Variants in TGFBR3 observed in about 807,000 individuals in gnomAD.
The protein encoded by TGFBR3 is transforming growth factor beta receptor type 3.
TGFBR3 carries 46 observed loss-of-function variants against 87.9 expected under a neutral mutation model. The observed-to-expected ratio is 0.52, with a 90% confidence interval of 0.41 to 0.67. TGFBR3 has a LOEUF of 0.67. Among genes scored for constraint, TGFBR3 ranks in the 30% least tolerant of loss-of-function variants. The pLI is 0.00. For synonymous variants in TGFBR3, 381 were observed against 391.6 expected, an observed-to-expected ratio of 0.97 and a Z score of 0.32; for missense variants, 866 against 1,041.9, an observed-to-expected ratio of 0.83 and a Z score of 2.32.
In TGFBR3 at chr1:91,902,858, G is replaced by C. The variant is rs555805282; in HGVS notation, c.-175+2968C>G. Among the ~76,000 whole-genome samples, 57 of 152,082 alleles carry C rather than the reference G, an allele frequency of 3.7e-4. 1 individual carries two copies. The South Asian group carries it at 6.5e-3, about 17-fold the overall frequency. On this transcript the variant is annotated intron_variant, in intron 1 of 17. Transcript: ENST00000370399. ...TAGTTTAGGAAAGGAGACAGCTGTG[G>C]ACAGGGGCAGTGCCAGGCTCTCCAA... is the stretch of plus-strand genomic sequence containing the variant.
chr1:91,828,267 A>G (rs1236332259), intron 2 of TGFBR3, among the ~76,000 whole-genome samples: 1 of 152,132 alleles, frequency 6.6e-6, no homozygotes, highest in East Asian at 1.9e-4. Context: ...AAATGTAACC[A>G]TGCACACCTC....
At chr1:91,764,953 C>A (rs1488961032) in intron 3 of TGFBR3, among the ~76,000 whole-genome samples, 1 of 152,198 alleles carries the variant, frequency 6.6e-6, no homozygotes, top group Non-Finnish European at 1.5e-5. Flanking sequence ...TTAGATCAAG[C>A]TTGTCCAACC....
At chr1:91,737,576 A>C (rs574633633) in intron 4 of TGFBR3, among the ~76,000 whole-genome samples, 15 of 152,248 alleles carry the variant, frequency 9.9e-5, no homozygotes, top group South Asian at 8.3e-4. Context: ...CTCCCAAGAC[A>C]GCAGATTTCT....
At chr1:91,769,444 A>T (rs75277555) in intron 3 of TGFBR3, among the ~76,000 whole-genome samples, 10,113 of 151,882 alleles carry the variant, frequency 0.067, 375 homozygotes, top group Middle Eastern at 0.1. Flanking sequence ...GGGCCCTGTT[A>T]ACCTTCCCCT....
intron 14 of TGFBR3, among the ~76,000 whole-genome samples, chr1:91,702,374 C>T (rs530518420): frequency 2.0e-5 from 3 of 152,220 alleles, no homozygotes; most frequent in South Asian, 2.1e-4. Context: ...TCGCCGGGCG[C>T]GGTGGCTCAC....
intron 2 of TGFBR3, among the ~76,000 whole-genome samples, chr1:91,859,396 CCT>C (rs1348931427): frequency 1.4e-5 from 2 of 147,140 alleles, no homozygotes; most frequent in East Asian, 4.1e-4. Flanking sequence ...CGCTTCTCTC[CCT>C]CTTTCTCTCT....
At chr1:91,904,215 A>C (rs1422476024) in intron 1 of TGFBR3, among the ~76,000 whole-genome samples, 1 of 151,908 alleles carries the variant, frequency 6.6e-6, no homozygotes, top group Non-Finnish European at 1.5e-5. Context: ...TAACTCAAAA[A>C]CTTACTTTGG....
chr1:91,859,768 G>A (rs1257077712), intron 2 of TGFBR3, among the ~76,000 whole-genome samples: 1 of 151,954 alleles, frequency 6.6e-6, no homozygotes, highest in Non-Finnish European at 1.5e-5. Context: ...AATTAGCCAG[G>A]CATGGTGGCA....
In TGFBR3 at chr1:91,720,140, G is replaced by A. The variant is rs755269794; in HGVS notation, c.1166C>T (p.Pro389Leu). The change falls in exon 9 of 17, where the codon CCG (proline) becomes CTG (leucine). Residue 389 changes from proline (P) to leucine (L), a missense_variant. Physicochemically the swap from Pro to Leu is moderately conservative, Grantham distance 98. Transcript: ENST00000212355. ...DPGALPALQN[P>L]PIRGGEGQNG... ...TTGGCCTTCCCCTCCCCGGATGGGC[G>A]GGTTCTGCAGGGCAGGCAGGGCACC... 3.0e-5 allele frequency: 49 copies of A among 1,613,806 alleles called. No individual in the cohort carries two copies. The highest frequency in any genetic ancestry group is 1.2e-4 in the African/African-American group (9 of 74,916).
At chr1:91,710,486 C>T (rs1386398242) in intron 13 of TGFBR3, among the ~76,000 whole-genome samples, 1 of 152,088 alleles carries the variant, frequency 6.6e-6, no homozygotes, top group Non-Finnish European at 1.5e-5. Context: ...CTCTGCTCTC[C>T]GGGTCTCGGT....
At position 91,731,647 on chromosome 1, in the gene TGFBR3, G is replaced by A. The variant is rs573474181; in HGVS notation, c.569-1674C>T. ...GGTTGAAATTTAATTAAGAAAGAGC[G>A]TCTATGGGCCAGGGACAGGACAGTC... On this transcript the variant is annotated intron_variant, in intron 5 of 16. Coordinates refer to ENST00000212355, the MANE Select transcript of TGFBR3 (RefSeq NM_003243.5). Among the ~76,000 whole-genome samples, 8 of 152,288 alleles carry A rather than the reference G, an allele frequency of 5.3e-5. No homozygotes were observed. The East Asian group carries it at 9.7e-4, about 18-fold the overall frequency.
intron 5 of TGFBR3, among the ~76,000 whole-genome samples, chr1:91,733,005 G>A (rs1270143309): frequency 2.6e-5 from 4 of 152,282 alleles, no homozygotes; most frequent in South Asian, 4.1e-4. Flanking sequence ...CTTCAGAAAC[G>A]CGGCCCGCTG....
At chr1:91,716,829 C>T (rs1480168186) in intron 10 of TGFBR3, 121 bp from the exon 11 acceptor site, 1 of 1,263,010 alleles carries the variant, frequency 7.9e-7, no homozygotes, top group Non-Finnish European at 1.2e-6. Flanking sequence ...GACTTTAAGA[C>T]AAAATAATAA....
At chr1:91,794,990 G>A (rs1675320428) in intron 3 of TGFBR3, among the ~76,000 whole-genome samples, 1 of 152,218 alleles carries the variant, frequency 6.6e-6, no homozygotes, top group Non-Finnish European at 1.5e-5. Flanking sequence ...TGTCAAAAGA[G>A]TGAGCGATAT....
At chr1:91,733,680 A>T (rs1054439473) in intron 5 of TGFBR3, among the ~76,000 whole-genome samples, 1 of 152,184 alleles carries the variant, frequency 6.6e-6, no homozygotes, top group African/African-American at 2.4e-5. Flanking sequence ...ACCCATTCAC[A>T]AGAGTTATTT....
chr1:91,742,873 T>C (rs1188321593), intron 4 of TGFBR3, among the ~76,000 whole-genome samples: 1 of 152,212 alleles, frequency 6.6e-6, no homozygotes, highest in African/African-American at 2.4e-5. Flanking sequence ...GAGCAGAACA[T>C]TACTCTATCT....
At chr1:91,832,531 G>A (rs922924497) in intron 2 of TGFBR3, among the ~76,000 whole-genome samples, 7 of 152,110 alleles carry the variant, frequency 4.6e-5, no homozygotes, top group African/African-American at 1.4e-4. Flanking sequence ...ATTATTGGCC[G>A]CACTTTACAG....
rs183968439 is a variant in TGFBR3, at chr1:91,784,699, T to G, written c.246+12588A>C. On this transcript the variant is annotated intron_variant, in intron 3 of 16. Transcript: ENST00000212355. Reference sequence around the variant, plus strand: ...AAAGAAGTCCAGGTGGAATTAAGAATAAGGGCGTGGGGCAAGGGGTTTAGC... The same window carrying G: ...AAAGAAGTCCAGGTGGAATTAAGAAGAAGGGCGTGGGGCAAGGGGTTTAGC... Among the ~76,000 whole-genome samples the G allele has an allele frequency of 4.6e-5, 7 of 152,242 alleles. No individual in the cohort carries two copies. In the East Asian group the frequency reaches 1.3e-3, roughly 29 times the overall value.
chr1:91,826,457 T>C (rs965152313), intron 2 of TGFBR3, among the ~76,000 whole-genome samples: 2 of 152,180 alleles, frequency 1.3e-5, no homozygotes, highest in Non-Finnish European at 1.5e-5. Context: ...TCCATTACTC[T>C]ACCAGGGACT....
Sources: allele counts gnomAD v4.1 joint callset (sites outside exome capture counted in the v4.1 genomes callset), GRCh38; gene constraint gnomAD v4.1.1; transcripts MANE v1.5; gene names NCBI Gene and HGNC (gene_info 2026-07-23, HGNC 2026-07-21).